Variants in DNAJC1 observed in about 807,000 individuals in gnomAD.
DNAJC1 encodes the protein dnaJ homolog subfamily C member 1.
DNAJC1 carries 58 observed loss-of-function variants against 76.6 expected under a neutral mutation model. That is an observed-to-expected ratio of 0.76 (90% CI 0.61 to 0.94). The LOEUF (loss-of-function observed/expected upper bound fraction) is 0.94. Among genes scored for constraint, DNAJC1 ranks in the 40% least tolerant of loss-of-function variants. The probability of loss-of-function intolerance (pLI) is 0.00; values close to 1 mark genes in which losing one functional copy is unlikely to be tolerated. For synonymous variants in DNAJC1, 258 were observed against 267.9 expected (o/e 0.96, Z 0.36); for missense variants, 689 against 677.3 (o/e 1.02, Z -0.19).
intron 1 of DNAJC1, among the ~76,000 whole-genome samples, chr10:21,943,822 T>C (rs895052893): frequency 6.6e-6 from 1 of 152,028 alleles, no homozygotes; most frequent in Non-Finnish European, 1.5e-5. Context: ...CCCAATGTTA[T>C]GTTTCTACCC....
At chr10:21,921,806 T>C (rs1436323110) in intron 3 of DNAJC1, among the ~76,000 whole-genome samples, 1 of 152,036 alleles carries the variant, frequency 6.6e-6, no homozygotes, top group Non-Finnish European at 1.5e-5. Flanking sequence ...TTAAATTTAC[T>C]TGTCAGACAA....
At chr10:21,794,981 T>A (rs1471071589) in intron 9 of DNAJC1, among the ~76,000 whole-genome samples, 1 of 152,186 alleles carries the variant, frequency 6.6e-6, no homozygotes, top group Non-Finnish European at 1.5e-5. Context: ...ATCTGAAATG[T>A]TCCAATAAGT....
intron 3 of DNAJC1, among the ~76,000 whole-genome samples, chr10:21,926,354 C>A (rs1179212086): frequency 6.7e-6 from 1 of 149,926 alleles, no homozygotes; most frequent in African/African-American, 2.5e-5. Context: ...AATAATGCAT[C>A]TGATTTCAGA....
chr10:21,805,428 T>C (rs1463442573), intron 9 of DNAJC1, among the ~76,000 whole-genome samples: 1 of 133,798 alleles, frequency 7.5e-6, no homozygotes. Flanking sequence ...ATCTTTTAAA[T>C]GTTACGTATG....
intron 8 of DNAJC1, among the ~76,000 whole-genome samples, chr10:21,839,155 T>C (rs531143122): frequency 7.9e-5 from 12 of 152,254 alleles, no homozygotes; most frequent in Admixed American, 2.6e-4. Context: ...GCAGGAAAGA[T>C]CTAAAATTGA....
At chr10:21,805,885 C>G (rs1834877100) in intron 9 of DNAJC1, 95 bp downstream of exon 9, 1 of 1,523,586 alleles carries the variant, frequency 6.6e-7, no homozygotes, top group Admixed American at 1.7e-5. Context: ...TATCCCCTCC[C>G]CAAAGATACT....
chr10:21,948,233 G>C (rs1837537933), intron 1 of DNAJC1, among the ~76,000 whole-genome samples: 1 of 151,852 alleles, frequency 6.6e-6, no homozygotes, highest in Non-Finnish European at 1.5e-5. Flanking sequence ...TGGGATTACA[G>C]GCATGAGCCA....
intron 3 of DNAJC1, among the ~76,000 whole-genome samples, chr10:21,921,834 T>C (rs370662538): frequency 2.6e-5 from 4 of 152,148 alleles, no homozygotes; most frequent in South Asian, 4.1e-4. Context: ...ACAAATATCT[T>C]TGAGGTTAAA....
intron 9 of DNAJC1, among the ~76,000 whole-genome samples, chr10:21,768,778 C>T (rs1012210843): frequency 1.3e-5 from 2 of 152,152 alleles, no homozygotes; most frequent in African/African-American, 4.8e-5. Context: ...AATTTGATTG[C>T]CCCACCATAT....
chr10:21,857,510 C>A (rs1185446473), intron 8 of DNAJC1, among the ~76,000 whole-genome samples: 1 of 151,718 alleles, frequency 6.6e-6, no homozygotes, highest in Non-Finnish European at 1.5e-5. Flanking sequence ...CTTTAATATA[C>A]TGGGGTTCTA....
At chr10:21,759,705 G>A in intron 10 of DNAJC1, 87 bp from the exon 11 acceptor site, 1 of 1,282,006 alleles carries the variant, frequency 7.8e-7, no homozygotes, top group Non-Finnish European at 1.1e-6. Flanking sequence ...CACAGAGCAG[G>A]CAGCGCACTA....
intron 8 of DNAJC1, among the ~76,000 whole-genome samples, chr10:21,817,132 C>T: frequency 8.7e-6 from 1 of 115,436 alleles, no homozygotes. Flanking sequence ...TGCACTCCAG[C>T]ATGGGCTACA....
intron 1 of DNAJC1, among the ~76,000 whole-genome samples, chr10:21,975,864 A>G (rs1044051996): frequency 6.6e-6 from 1 of 152,248 alleles, no homozygotes; most frequent in African/African-American, 2.4e-5. Flanking sequence ...CATGTCCTTC[A>G]TTAAACTATG....
intron 9 of DNAJC1, among the ~76,000 whole-genome samples, chr10:21,804,247 G>A (rs1484737239): frequency 6.6e-6 from 1 of 151,994 alleles, no homozygotes; most frequent in African/African-American, 2.4e-5. Flanking sequence ...AGCATCAAAT[G>A]TAGAGCCTTA....
intron 1 of DNAJC1, among the ~76,000 whole-genome samples, chr10:21,958,478 G>GAGTGC (rs1564838444): frequency 6.6e-6 from 1 of 151,494 alleles, no homozygotes; most frequent in African/African-American, 2.4e-5. Flanking sequence ...GCCCAGGCTG[G>GAGTGC]AGTGCAGTGG....
intron 6 of DNAJC1, among the ~76,000 whole-genome samples, chr10:21,906,439 G>C (rs946105047): frequency 6.6e-6 from 1 of 152,158 alleles, no homozygotes; most frequent in Non-Finnish European, 1.5e-5. Flanking sequence ...GTGAATGAAT[G>C]AATGAGCTTA....
intron 8 of DNAJC1, among the ~76,000 whole-genome samples, chr10:21,842,515 T>C (rs1009022489): frequency 1.3e-5 from 2 of 152,220 alleles, no homozygotes; most frequent in African/African-American, 4.8e-5. Context: ...ATGAGAAAGT[T>C]GGGAGAATTA....
At chr10:21,776,205 C>T (rs1834452990) in intron 9 of DNAJC1, among the ~76,000 whole-genome samples, 1 of 152,114 alleles carries the variant, frequency 6.6e-6, no homozygotes, top group Admixed American at 6.6e-5. Flanking sequence ...CTATAGTTCA[C>T]AGGCCAGAGC....
intron 1 of DNAJC1, among the ~76,000 whole-genome samples, chr10:21,941,654 T>C (rs1837414052): frequency 6.6e-6 from 1 of 152,158 alleles, no homozygotes; most frequent in Non-Finnish European, 1.5e-5. Flanking sequence ...AAGTTTTTCA[T>C]AATAAAAAAG....
Sources: gnomAD v4.1 joint callset for allele counts (sites outside exome capture counted in the v4.1 genomes callset) on GRCh38, gnomAD v4.1.1 for gene constraint, MANE v1.5 for transcripts, NCBI Gene and HGNC (gene_info 2026-07-23, HGNC 2026-07-21) for gene names.